LPL: variants seen among roughly 807,000 people sequenced by gnomAD.
LPL encodes the protein lipoprotein lipase.
A neutral mutation model predicts 52.2 loss-of-function variants in LPL; 43 were observed. The observed-to-expected ratio is 0.82, with a 90% CI of 0.64 to 1.06. LPL has a LOEUF of 1.06. Among genes scored for constraint, LPL ranks in the 50% least tolerant of loss-of-function variants. The probability of loss-of-function intolerance (pLI) is 0.00; values close to 1 mark genes in which losing one functional copy is unlikely to be tolerated. For synonymous variants in LPL, 244 were observed against 215.6 expected (o/e 1.13, Z -1.15); for missense variants, 639 against 585.3 (o/e 1.09, Z -0.95).
intron 8 of LPL, 145 bp downstream of exon 8, chr8:19,961,228 AGTC>A: frequency 4.6e-6 from 1 of 217,912 alleles, no homozygotes; most frequent in Non-Finnish European, 7.6e-6. Flanking sequence ...TTTCTTTAGG[AGTC>A]TTCTTTTATT....
chr8:19,953,509 C>G (rs1318814273), intron 4 of LPL, 88 bp downstream of exon 4: 1 of 917,620 alleles, frequency 1.1e-6, no homozygotes, highest in Non-Finnish European at 1.8e-6. Flanking sequence ...GTTAAATACC[C>G]ACATGTGTGG....
At position 19,966,981 on chromosome 8, in the gene LPL, T is replaced by TTA. The variant is rs2070095206; in HGVS notation, c.*1679_*1680dup. The TTA allele has an allele frequency of 6.6e-6, 1 of 152,418 alleles. No individual in the cohort carries two copies. Among genetic ancestry groups the TTA allele is most frequent in the Admixed American group, 6.5e-5 (1 of 15,272 alleles). 9.4% of individuals were successfully genotyped at this position (152,418 alleles called of 1,614,324 possible). A position where few individuals can be genotyped will look rare whatever the true frequency, so the allele number is the denominator to read the frequency against. On this transcript the variant is annotated 3_prime_UTR_variant, in exon 10 of 10. Transcript: ENST00000650287. ...GGAACTCTGGCTCCGAAAAACTTTG[T>TTA]TATATATATCAAGGATGTTCTGGCT...
Position 19,944,443 on chromosome 8 carries a change from G to A in LPL, c.89-3737G>A, listed in dbSNP as rs1361088665. On this transcript the variant is annotated intron_variant, in intron 1 of 9. Transcript: ENST00000650287. This position sits in a 1 kb window ranked among gnomAD's most constrained non-coding sequence, Gnocchi z 4.2. ...CTGAGGAAGCCCTGTAGGAGTGAGA[G>A]AAAAGGGGGGAGAGAGAGAGAAAGG... Among the ~76,000 whole-genome samples the A allele has an allele frequency of 4.2e-5, 6 of 141,936 alleles. No homozygotes were observed. The East Asian group carries it at 1.4e-3, about 34-fold the overall frequency. The allele number at this position is 141,936 out of a possible 152,430, so 93.1% of individuals were successfully genotyped here.
intron 1 of LPL, among the ~76,000 whole-genome samples, chr8:19,946,096 G>A (rs1486162231): frequency 2.0e-5 from 3 of 152,108 alleles, no homozygotes; most frequent in Admixed American, 1.3e-4. Flanking sequence ...GGTTGGGAAG[G>A]AAGAAGGCTA....
At chr8:19,958,433 A>T (rs74746426) in intron 6 of LPL, among the ~76,000 whole-genome samples, 4,722 of 152,198 alleles carry the variant, frequency 0.031, 118 homozygotes, top group Middle Eastern at 0.075. Context: ...AGACCAGAGG[A>T]GGGGCAGGGA....
rs1004895839 is a variant in LPL at position 19,960,934 on chromosome 8, C to T, written c.1173C>T (p.Phe391=). 1.2e-6 allele frequency: 2 copies of T among 1,614,000 alleles called. No homozygotes were observed. The highest frequency in any genetic ancestry group is 1.7e-6 in the Non-Finnish European group (2 of 1,179,958). ...TTTCCACAAATAAGACCTACTCCTT[C>T]CTAATTTACACAGAGGTAGATATTG... ...PEVSTNKTYS[F]LIYTEVDIGE... Residue 391 remains phenylalanine, a synonymous_variant, in exon 8 of 10, where the codon TTC becomes TTT. Transcript: ENST00000650287.
Position 19,939,624 on chromosome 8 carries a change from G to C in LPL, c.88+96G>C. The C allele has an allele frequency of 3.1e-6, 4 of 1,292,186 alleles. No individual in the cohort carries two copies. The highest frequency in any genetic ancestry group is 4.3e-6 in the Non-Finnish European group (4 of 925,244). 80.0% of individuals were successfully genotyped at this position (1,292,186 alleles called of 1,614,324 possible). Reference sequence around the variant, plus strand: ...TGAGAAGAAGGAAGTTGGAAGGGGCGGTGGATGCGCCCAGGGACTCTCCCA... The same window carrying C: ...TGAGAAGAAGGAAGTTGGAAGGGGCCGTGGATGCGCCCAGGGACTCTCCCA... On this transcript the variant is annotated intron_variant, in intron 1 of 9. Coordinates refer to ENST00000650287, the MANE Select transcript of LPL (RefSeq NM_000237.3). This position sits in a 1 kb window ranked among gnomAD's most constrained non-coding sequence, Gnocchi z 4.0.
chr8:19,966,779 T>C lies in LPL; in HGVS notation c.*1469T>C, dbSNP rs2070093569. On this transcript the variant is annotated 3_prime_UTR_variant, in exon 10 of 10. Transcript: ENST00000650287. Reference sequence around the variant, plus strand: ...TGAGAGAGATGATCGTGCCTATAAATAGTAGGACCAATGTTGTGATTAACA... The same window carrying C: ...TGAGAGAGATGATCGTGCCTATAAACAGTAGGACCAATGTTGTGATTAACA... 6.6e-6 allele frequency: 1 copy of C among 152,182 alleles called. No homozygotes were observed. The highest frequency in any genetic ancestry group is 2.1e-4 in the South Asian group (1 of 4,822). The allele number at this position is 152,182 out of a possible 1,614,324, so 9.4% of individuals were successfully genotyped here.
intron 6 of LPL, 33 bp from the exon 7 acceptor site, chr8:19,959,227 T>C (rs775673076): frequency 1.9e-6 from 3 of 1,613,854 alleles, no homozygotes; most frequent in Non-Finnish European, 2.5e-6. Flanking sequence ...TTCATAAAGA[T>C]TGATCAACAT....
intron 9 of LPL, among the ~76,000 whole-genome samples, chr8:19,964,816 C>T (rs1051651902): frequency 9.2e-5 from 14 of 152,158 alleles, no homozygotes; most frequent in African/African-American, 3.4e-4. Flanking sequence ...AGGCATGAGC[C>T]ACAGCACCCA....
chr8:19,948,278 T>C lies in LPL; in HGVS notation c.187T>C (p.Ser63Pro). 1 of 1,613,828 alleles carries C rather than the reference T, an allele frequency of 6.2e-7. No homozygotes were observed. The highest frequency in any genetic ancestry group is 1.1e-5 in the South Asian group (1 of 91,064). Reference protein sequence around the residue: ...TCHLIPGVAESVATCHFNHSS... With the variant: ...TCHLIPGVAEPVATCHFNHSS... The stretch of plus-strand genomic sequence containing the variant: ...CCACCTCATTCCCGGAGTAGCAGAG[T>C]CCGTGGCTACCTGTCATTTCAATCA... Residue 63 changes from serine to proline, a missense_variant, in exon 2 of 10, where the codon TCC (serine) becomes CCC (proline). Coordinates refer to ENST00000650287, the MANE Select transcript of LPL (RefSeq NM_000237.3).
chr8:19,961,215 G>C, intron 8 of LPL, 132 bp downstream of exon 8: 2 of 333,444 alleles, frequency 6.0e-6, no homozygotes, highest in South Asian at 3.9e-5. Context: ...GTATGATGTA[G>C]ATTTTCTTTA....
At position 19,954,456 on chromosome 8, in the gene LPL, C is replaced by T. The variant is rs256; in HGVS notation, c.775+103C>T. On this transcript the variant is annotated intron_variant, in intron 5 of 9. Transcript: ENST00000650287. ...TCAAAGTATGTAGTTTTCATATACA[C>T]ATTTGGCCAAATTATGTTTCTGAAG... The T allele has an allele frequency of 0.14, 164,436 of 1,154,498 alleles. 12,207 individuals are homozygous for T. Among genetic ancestry groups the T allele is most frequent in the East Asian group, 0.22 (8,627 of 40,044 alleles). The allele number at this position is 1,154,498 out of a possible 1,614,324, so 71.5% of individuals were successfully genotyped here.
At chr8:19,962,278 G>C in intron 9 of LPL, 59 bp downstream of exon 9, 1 of 1,259,192 alleles carries the variant, frequency 7.9e-7, no homozygotes. Flanking sequence ...AAGGGAGGCA[G>C]CTTCATGCAT....
At chr8:19,952,414 A>C (rs2128837802) in intron 3 of LPL, among the ~76,000 whole-genome samples, 1 of 152,290 alleles carries the variant, frequency 6.6e-6, no homozygotes, top group South Asian at 2.1e-4. Flanking sequence ...GAGTGATGGA[A>C]TTGAGCTAGG....
At chr8:19,952,980 AATACAT>A (rs1216721894) in intron 3 of LPL, among the ~76,000 whole-genome samples, 7 of 152,230 alleles carry the variant, frequency 4.6e-5, no homozygotes, top group Non-Finnish European at 2.9e-5. Context: ...TATATATGCA[AATACAT>A]ATACATATAC....
At chr8:19,946,617 TCCTCGCAG>T in intron 1 of LPL, 1 of 245,910 alleles carries the variant, frequency 4.1e-6, no homozygotes, top group Non-Finnish European at 8.4e-6. Context: ...TGAGAAGTAG[TCCTCGCAG>T]CCTCATGAAT....
chr8:19,959,177 T>C (rs1305891517), intron 6 of LPL, 83 bp from the exon 7 acceptor site: 9 of 1,566,902 alleles, frequency 5.7e-6, no homozygotes, highest in Non-Finnish European at 7.9e-6. Flanking sequence ...GAGATACTTC[T>C]GTGGTTCTGA....
In LPL at chr8:19,939,631, G is replaced by A; in HGVS notation, c.88+103G>A. On this transcript the variant is annotated intron_variant, in intron 1 of 9. Transcript: ENST00000650287. This position sits in a 1 kb window ranked among gnomAD's most constrained non-coding sequence, Gnocchi z 4.0. Reference sequence around the variant, plus strand: ...AAGGAAGTTGGAAGGGGCGGTGGATGCGCCCAGGGACTCTCCCAGCCTGGG... The same window carrying A: ...AAGGAAGTTGGAAGGGGCGGTGGATACGCCCAGGGACTCTCCCAGCCTGGG... 1.7e-6 allele frequency: 2 copies of A among 1,209,538 alleles called. No individual in the cohort carries two copies. Among genetic ancestry groups the A allele is most frequent in the Non-Finnish European group, 2.3e-6 (2 of 852,152 alleles). 74.9% of individuals were successfully genotyped at this position (1,209,538 alleles called of 1,614,324 possible).
Sources: allele counts gnomAD v4.1 joint callset (sites outside exome capture counted in the v4.1 genomes callset), GRCh38; gene constraint gnomAD v4.1.1; non-coding constraint Gnocchi (gnomAD v3.1); transcripts MANE v1.5; gene names NCBI Gene and HGNC (gene_info 2026-07-23, HGNC 2026-07-21).